DHX35: variants seen among roughly 807,000 people sequenced by gnomAD.
DHX35 encodes probable ATP-dependent RNA helicase DHX35.
A neutral mutation model predicts 99.6 loss-of-function variants in DHX35; 84 were observed. That is an observed-to-expected ratio of 0.84 (90% CI 0.71 to 1.01). DHX35 has a LOEUF of 1.01. Ranked by LOEUF, DHX35 falls within the 50% of genes least tolerant of loss-of-function variation. The pLI is 0.00. For synonymous variants in DHX35, 331 were observed against 316.2 expected (o/e 1.05, Z -0.50); for missense variants, 852 against 888.5 (o/e 0.96, Z 0.52).
chr20:38,963,583 T>G (rs769704056), intron 1 of DHX35, among the ~76,000 whole-genome samples: 22 of 152,266 alleles, frequency 1.4e-4, no homozygotes, highest in Non-Finnish European at 1.9e-4. Flanking sequence ...ACTTTTAATT[T>G]ATTCACGCTT....
chr20:39,022,931 T>C (rs1316990113), intron 16 of DHX35, among the ~76,000 whole-genome samples: 1 of 152,212 alleles, frequency 6.6e-6, no homozygotes, highest in Non-Finnish European at 1.5e-5. Flanking sequence ...GCCTTATGCA[T>C]GGAGGGGCTG....
In DHX35 at chr20:39,038,807, C is replaced by T. The variant is rs1225797804; in HGVS notation, c.*264C>T. On this transcript the variant is annotated 3_prime_UTR_variant, in exon 22 of 22. Transcript: ENST00000252011. ...TGGGAGTTGGCTCACTCAGCACGCT[C>T]ACTAACCCAGCATGCCACTTCCAGC... 8 of 528,286 alleles carry T rather than the reference C, an allele frequency of 1.5e-5. No homozygotes were observed. The highest frequency in any genetic ancestry group is 4.5e-5 in the South Asian group (2 of 44,508). The allele number at this position is 528,286 out of a possible 1,614,324, so 32.7% of individuals were successfully genotyped here.
rs142430972 is a variant in DHX35 at position 39,028,424 on chromosome 20, C to T, written c.1808C>T (p.Pro603Leu). Residue 603 changes from proline to leucine, a missense_variant, in exon 19 of 22, where the codon CCG (proline) becomes CTG (leucine). Coordinates refer to ENST00000252011, the MANE Select transcript of DHX35 (RefSeq NM_021931.4). ...CTGTTGGCTGCCTATGTAGGTGACCCGGATCTGGTTCTGAGGTGCATTGTC... is the reference window on the plus strand; with the variant it reads ...CTGTTGGCTGCCTATGTAGGTGACCTGGATCTGGTTCTGAGGTGCATTGTC... ...QVPRKSSEGD[P>L]DLVLRCIVSG... 6.6e-5 allele frequency: 106 copies of T among 1,614,038 alleles called. No homozygotes were observed. The highest frequency in any genetic ancestry group is 8.3e-5 in the Non-Finnish European group (98 of 1,180,030).
Position 39,021,892 on chromosome 20 carries a change from TC to T in DHX35, c.1552del (p.Gln518ArgfsTer53). The T allele has an allele frequency of 6.2e-7, 1 of 1,614,188 alleles. No individual in the cohort carries two copies. Among genetic ancestry groups the T allele is most frequent in the Non-Finnish European group, 8.5e-7 (1 of 1,180,024 alleles). On this transcript the variant is annotated frameshift_variant, in exon 16 of 22. Transcript: ENST00000252011. LOFTEE classifies it high-confidence loss of function. Reference sequence around the variant, plus strand: ...CTAAGCATCGCTGCCATGATGCAGATCCAGAATATCTTTGTGGTCCCCCCAA... The same window carrying T: ...CTAAGCATCGCTGCCATGATGCAGATCAGAATATCTTTGTGGTCCCCCCAA... ...EILSIAAMMQ[I>X]QNIFVVPPNQ...
intron 18 of DHX35, among the ~76,000 whole-genome samples, chr20:39,026,639 T>C (rs1354560998): frequency 1.3e-5 from 2 of 152,114 alleles, no homozygotes; most frequent in Admixed American, 1.3e-4. Context: ...CGGTCAAGCT[T>C]TGGGGTCTGG....
In DHX35 at chr20:39,028,487, C is replaced by T. The variant is rs1479775071; in HGVS notation, c.1871C>T (p.Thr624Ile). The T allele has an allele frequency of 3.1e-6, 5 of 1,614,072 alleles. No homozygotes were observed. Among genetic ancestry groups the T allele is most frequent in the Admixed American group, 3.3e-5 (2 of 60,010 alleles). The change falls in exon 19 of 22, where the codon ACT (threonine) becomes ATT (isoleucine). Residue 624 changes from threonine (T) to isoleucine (I), a missense_variant. Physicochemically the swap from Thr to Ile is moderately conservative, Grantham distance 89. Transcript: ENST00000252011. ...GCCAATGCAGCGAGGTTTCATTCTACTGGAGCTTATAGGTAACATGATACT... is the reference window on the plus strand; with the variant it reads ...GCCAATGCAGCGAGGTTTCATTCTATTGGAGCTTATAGGTAACATGATACT... The part of the protein sequence containing the change: ...FFANAARFHS[T>I]GAYRTIRDDH...
chr20:39,014,464 A>G (rs536755167), intron 13 of DHX35, among the ~76,000 whole-genome samples: 5 of 152,334 alleles, frequency 3.3e-5, no homozygotes, highest in East Asian at 3.9e-4. Context: ...GAGTGGGTCT[A>G]TGGGGGATGC....
intron 3 of DHX35, among the ~76,000 whole-genome samples, chr20:38,973,391 A>G (rs977420307): frequency 4.6e-5 from 7 of 152,220 alleles, no homozygotes; most frequent in South Asian, 2.1e-4. Context: ...AGTGGAATAC[A>G]TCTGTGTTAC....
intron 2 of DHX35, among the ~76,000 whole-genome samples, chr20:38,971,375 A>G (rs569598590): frequency 6.6e-6 from 1 of 152,198 alleles, no homozygotes; most frequent in East Asian, 1.9e-4. Context: ...AAAACAAAAC[A>G]ATGTTGGAAC....
Position 39,039,419 on chromosome 20 carries a change from G to A in DHX35, c.*876G>A, listed in dbSNP as rs1279860871. Reference sequence around the variant, plus strand: ...TGTTTGCTTGGGTTCTTGCAAGAGCGCGTGGGGACAGTTCTTCCAGCAGGC... The same window carrying A: ...TGTTTGCTTGGGTTCTTGCAAGAGCACGTGGGGACAGTTCTTCCAGCAGGC... On this transcript the variant is annotated 3_prime_UTR_variant, in exon 22 of 22. Coordinates refer to ENST00000252011, the MANE Select transcript of DHX35 (RefSeq NM_021931.4). The A allele has an allele frequency of 1.3e-5, 2 of 152,718 alleles. No homozygotes were observed. The highest frequency in any genetic ancestry group is 2.4e-5 in the African/African-American group (1 of 41,560). 9.5% of individuals were successfully genotyped at this position (152,718 alleles called of 1,614,324 possible). A position where few individuals can be genotyped will look rare whatever the true frequency, so the allele number is the denominator to read the frequency against.
chr20:39,034,192 CT>C lies in DHX35; in HGVS notation c.1956-11del, dbSNP rs3834993. 0.13 allele frequency: 209,364 copies of C among 1,590,980 alleles called. 14,926 individuals are homozygous for C. Among genetic ancestry groups the C allele is most frequent in the East Asian group, 0.27 (11,900 of 44,770 alleles). On this transcript the variant is annotated splice_polypyrimidine_tract_variant and intron_variant, in intron 20 of 21. Coordinates refer to ENST00000252011, the MANE Select transcript of DHX35 (RefSeq NM_021931.4). The stretch of plus-strand genomic sequence containing the variant: ...AAGAGGGGGAAATTAGCTCATGTTT[CT>C]TTCTCATTTCAGGGTCATCTATAAC...
At chr20:39,003,507 C>A (rs2086558223) in intron 10 of DHX35, among the ~76,000 whole-genome samples, 1 of 152,202 alleles carries the variant, frequency 6.6e-6, no homozygotes. Context: ...CTCTTCCATT[C>A]ATTGCAGATC....
At chr20:39,027,045 C>T (rs908269219) in intron 18 of DHX35, among the ~76,000 whole-genome samples, 3 of 152,076 alleles carry the variant, frequency 2.0e-5, no homozygotes, top group African/African-American at 7.2e-5. Context: ...GGAGGGCTAC[C>T]GGCCATTGTA....
At chr20:39,024,769 T>C (rs1027018289) in intron 17 of DHX35, among the ~76,000 whole-genome samples, 1 of 152,338 alleles carries the variant, frequency 6.6e-6, no homozygotes, top group East Asian at 1.9e-4. Context: ...CAGAAAAAAT[T>C]AAATACTGTT....
intron 13 of DHX35, among the ~76,000 whole-genome samples, chr20:39,014,226 A>C (rs2086746652): frequency 6.6e-6 from 1 of 152,258 alleles, no homozygotes; most frequent in African/African-American, 2.4e-5. Context: ...TTTAGAGAGA[A>C]AAAATATGAT....
At chr20:39,025,715 A>C (rs1490327783) in intron 18 of DHX35, among the ~76,000 whole-genome samples, 2 of 152,232 alleles carry the variant, frequency 1.3e-5, no homozygotes, top group African/African-American at 4.8e-5. Context: ...CTATTACATA[A>C]AAATTAAATT....
At position 38,983,046 on chromosome 20, in the gene DHX35, C is replaced by T. The variant is rs1048409219; in HGVS notation, c.268-653C>T. ...GTTCAAGCGATTCTCCTGCCTCAGC[C>T]TCCTGAGTAGTCACGATTACAGGCA... On this transcript the variant is annotated intron_variant, in intron 3 of 21. Coordinates refer to ENST00000252011, the MANE Select transcript of DHX35 (RefSeq NM_021931.4). 5.6e-4 allele frequency among the ~76,000 whole-genome samples: 85 copies of T among 152,012 alleles called. 2 individuals carry two copies. Among genetic ancestry groups the T allele is most frequent in the Non-Finnish European group, 1.8e-4 (12 of 68,018 alleles).
At chr20:38,992,722 C>T (rs553678859) in intron 7 of DHX35, among the ~76,000 whole-genome samples, 1 of 152,082 alleles carries the variant, frequency 6.6e-6, no homozygotes, top group Non-Finnish European at 1.5e-5. Context: ...CTTAACATTA[C>T]ATTAGGATCA....
At chr20:39,015,128 A>G (rs1600426295) in intron 14 of DHX35, among the ~76,000 whole-genome samples, 194 bp downstream of exon 14, 1 of 152,330 alleles carries the variant, frequency 6.6e-6, no homozygotes, top group East Asian at 1.9e-4. Flanking sequence ...GCTAATTATG[A>G]CAGCCAGTAT....
Sources: gnomAD v4.1 joint callset for allele counts (sites outside exome capture counted in the v4.1 genomes callset) on GRCh38, gnomAD v4.1.1 for gene constraint, MANE v1.5 for transcripts, NCBI Gene and HGNC (gene_info 2026-07-23, HGNC 2026-07-21) for gene names.